Variants in DNAH6 observed in about 807,000 individuals in gnomAD.
DNAH6 encodes axonemal beta dynein heavy chain 6.
In DNAH6, 340 loss-of-function variants were observed where a neutral mutation model predicts 491.4. The observed-to-expected ratio is 0.69, with a 90% CI of 0.63 to 0.76. The LOEUF is 0.76. Among genes scored for constraint, DNAH6 ranks in the 30% least tolerant of loss-of-function variants. The pLI, the probability that DNAH6 is intolerant of heterozygous loss-of-function variation, is 0.00. For missense variants in DNAH6, 4,443 were observed against 4,972.2 expected (o/e 0.89, Z 3.20); for synonymous variants, 1,603 against 1,686.1 (o/e 0.95, Z 1.21).
In DNAH6 at chr2:84,707,627, G is replaced by A. The variant is rs1696604016; in HGVS notation, c.8959G>A (p.Glu2987Lys). 6.4e-7 allele frequency: 1 copy of A among 1,552,308 alleles called. No individual in the cohort carries two copies. The highest frequency in any genetic ancestry group is 8.7e-7 in the Non-Finnish European group (1 of 1,147,114). The change falls in exon 54 of 77, where the codon GAA becomes AAA. Residue 2987 changes from glutamate to lysine, a missense_variant. Physicochemically the swap from Glu to Lys is moderately conservative, Grantham distance 56 (BLOSUM62 1). Around this residue, in one of 3 missense-constraint regions of DNAH6, gnomAD observed 1,463 missense variants for 1,656.6 expected, o/e 0.88. Coordinates refer to ENST00000389394, the MANE Select transcript of DNAH6 (RefSeq NM_001370.2). ...RWEESIQKFE[E>K]EISNITGNVF... ...GGAAGAAAGCATACAGAAGTTTGAG[G>A]AAGAAATATCAAATATCACTGGGAA... is the stretch of plus-strand genomic sequence containing the variant.
chr2:84,550,869 T>C (rs1451775118), intron 9 of DNAH6, among the ~76,000 whole-genome samples: 10 of 152,186 alleles, frequency 6.6e-5, no homozygotes, highest in Non-Finnish European at 8.8e-5. Flanking sequence ...AAGCAAATTA[T>C]TGTGCTTTGA....
Position 84,818,484 on chromosome 2 carries a change from C to CAA in DNAH6, c.12374-793_12374-792dup, listed in dbSNP as rs59242387. On this transcript the variant is annotated intron_variant, in intron 76 of 76. Transcript: ENST00000389394. ...TGGGCAAAAGAATGAGACCCTATCTCAAAAAAAAAAAAAAAAAAAAAAAAA... is the reference window on the plus strand; with the variant it reads ...TGGGCAAAAGAATGAGACCCTATCTCAAAAAAAAAAAAAAAAAAAAAAAAAAA... Among the ~76,000 whole-genome samples, 137 of 63,826 alleles carry CAA rather than the reference C, an allele frequency of 2.1e-3. 2 individuals are homozygous for CAA. The highest frequency in any genetic ancestry group is 6.5e-3 in the South Asian group (7 of 1,074). 41.9% of individuals were successfully genotyped at this position (63,826 alleles called of 152,430 possible).
At chr2:84,478,376 G>C in the DNAH6 span, among the ~76,000 whole-genome samples, 3 of 152,162 alleles carry the variant, frequency 2.0e-5, no homozygotes, top group South Asian at 2.1e-4. Flanking sequence ...GGCACTGCTT[G>C]TTGGGAGGTT....
rs531322978 is a variant in DNAH6 at position 84,701,033 on chromosome 2, G to A, written c.7819-64G>A. The A allele has an allele frequency of 3.7e-5, 55 of 1,502,016 alleles. No individual in the cohort carries two copies. In the African/African-American group the frequency reaches 4.5e-4, roughly 12 times the overall value. 93.0% of individuals were successfully genotyped at this position (1,502,016 alleles called of 1,614,324 possible). A position where few individuals can be genotyped will look rare whatever the true frequency, so the allele number is the denominator to read the frequency against. On this transcript the variant is annotated intron_variant, in intron 48 of 76. Coordinates refer to ENST00000389394, the MANE Select transcript of DNAH6 (RefSeq NM_001370.2). ...AGTTCCCGAGAAATATGTTTTTCTT[G>A]GTATTAAACTGTATGTTATTGAAAT...
the DNAH6 span, among the ~76,000 whole-genome samples, chr2:84,502,418 G>T: frequency 6.6e-6 from 1 of 152,006 alleles, no homozygotes; most frequent in Admixed American, 6.6e-5. Flanking sequence ...ATGTTTTCAG[G>T]CTTGTCTTGT....
intron 14 of DNAH6, among the ~76,000 whole-genome samples, chr2:84,582,548 T>A (rs1428817534): frequency 6.6e-6 from 1 of 152,142 alleles, no homozygotes; most frequent in East Asian, 1.9e-4. Context: ...GCCTCCCGGG[T>A]TCACGCCATT....
At chr2:84,499,543 T>G in the DNAH6 span, among the ~76,000 whole-genome samples, 7 of 152,248 alleles carry the variant, frequency 4.6e-5, no homozygotes, top group Non-Finnish European at 7.3e-5. Flanking sequence ...ATTTCCTTTC[T>G]TTTGGATATA....
rs77044232 is a variant in DNAH6, at chr2:84,603,400, G to A, written c.2869-939G>A. Among the ~76,000 whole-genome samples, 659 of 152,146 alleles carry A rather than the reference G, an allele frequency of 4.3e-3. 5 individuals are homozygous for A. Among genetic ancestry groups the A allele is most frequent in the African/African-American group, 0.015 (637 of 41,526 alleles). On this transcript the variant is annotated intron_variant, in intron 18 of 76. Transcript: ENST00000389394. ...TTCGGGTGGGGCTGGTTTACCAAAG[G>A]TTATTTTCTCAATTTCTATTTTCCT...
intron 62 of DNAH6, among the ~76,000 whole-genome samples, chr2:84,744,371 G>T: frequency 6.6e-6 from 1 of 152,138 alleles, no homozygotes; most frequent in South Asian, 2.1e-4. Flanking sequence ...CGAATTCTTA[G>T]TACATGTTAT....
chr2:84,654,637 T>C (rs1690774188), intron 34 of DNAH6, 23 bp from the exon 35 acceptor site: 4 of 1,550,018 alleles, frequency 2.6e-6, no homozygotes, highest in Non-Finnish European at 3.5e-6. Flanking sequence ...AGCTGTTTCC[T>C]GTTCAATTTT....
rs543313035 is a variant in DNAH6, at chr2:84,768,726, G to A, written c.10703+5781G>A. Reference sequence around the variant, plus strand: ...GATATGCCATATTTATTAAGTGGAAGACTCAATATTGTAAAGATATCAGTT... The same window carrying A: ...GATATGCCATATTTATTAAGTGGAAAACTCAATATTGTAAAGATATCAGTT... On this transcript the variant is annotated intron_variant, in intron 64 of 76. Coordinates refer to ENST00000389394, the MANE Select transcript of DNAH6 (RefSeq NM_001370.2). 2.6e-3 allele frequency among the ~76,000 whole-genome samples: 398 copies of A among 152,222 alleles called. 1 individual carries two copies. The highest frequency in any genetic ancestry group is 4.0e-3 in the Non-Finnish European group (269 of 67,994).
intron 58 of DNAH6, 140 bp from the exon 59 acceptor site, chr2:84,718,064 C>T (rs1180572560): frequency 3.3e-6 from 2 of 600,814 alleles, no homozygotes; most frequent in African/African-American, 1.9e-5. Context: ...ACATGGTGTG[C>T]ATTCAGATAT....
At position 84,805,772 on chromosome 2, in the gene DNAH6, T is replaced by C. The variant is rs758929080; in HGVS notation, c.11589T>C (p.Ala3863=). 32 of 1,551,358 alleles carry C rather than the reference T, an allele frequency of 2.1e-5. No individual in the cohort carries two copies. The highest frequency in any genetic ancestry group is 2.6e-5 in the Non-Finnish European group (30 of 1,146,880). Residue 3863 remains alanine, a synonymous_variant, in exon 71 of 77, where the codon GCT becomes GCC. Transcript: ENST00000389394. ...ACGAAATTGTTCAAGAACTTGTTGC[T>C]TCTGTCCAGACCAGAGTTCCAGGTA... ...SNDEIVQELV[A]SVQTRVPEKL... is the part of the protein sequence containing the mutation.
Position 84,727,719 on chromosome 2 carries a change from G to A in DNAH6, c.10023G>A (p.Gln3341=). 1 of 1,551,560 alleles carries A rather than the reference G, an allele frequency of 6.4e-7. No homozygotes were observed. The highest frequency in any genetic ancestry group is 8.7e-7 in the Non-Finnish European group (1 of 1,146,890). The change falls in exon 61 of 77, where the codon CAG becomes CAA. Residue 3341 remains glutamine (Q), a synonymous_variant. Coordinates refer to ENST00000389394, the MANE Select transcript of DNAH6 (RefSeq NM_001370.2). ...CTGTAAAGACAGAAAATCTACAACAGCGCCTGGACGTACTACTAGAACAAA... is the reference window on the plus strand; with the variant it reads ...CTGTAAAGACAGAAAATCTACAACAACGCCTGGACGTACTACTAGAACAAA... ...ETSVKTENLQ[Q]RLDVLLEQTL... is the part of the protein sequence containing the mutation.
chr2:84,517,484 A>G (rs776159875), intron 1 of DNAH6, among the ~76,000 whole-genome samples: 4 of 152,212 alleles, frequency 2.6e-5, no homozygotes, highest in Non-Finnish European at 5.9e-5. Context: ...TGATCTCAAT[A>G]CTAATTACAT....
chr2:84,553,048 A>C lies in DNAH6; in HGVS notation c.1602+14A>C, dbSNP rs774052114. ...GAAGACTTTCTGGTGTGTGTTTTTC[A>C]TGTATTATCCACATGCAAGCACCTA... On this transcript the variant is annotated intron_variant, in intron 10 of 76. Transcript: ENST00000389394. 53 of 1,480,772 alleles carry C rather than the reference A, an allele frequency of 3.6e-5. No homozygotes were observed. The South Asian group carries it at 5.8e-4, about 16-fold the overall frequency. The allele number at this position is 1,480,772 out of a possible 1,614,324, so 91.7% of individuals were successfully genotyped here. A position where few individuals can be genotyped will look rare whatever the true frequency, so the allele number is the denominator to read the frequency against.
At chr2:84,704,586 G>A (rs1696252403) in intron 51 of DNAH6, among the ~76,000 whole-genome samples, 1 of 152,174 alleles carries the variant, frequency 6.6e-6, no homozygotes, top group African/African-American at 2.4e-5. Flanking sequence ...TGGGAGTGCT[G>A]AGAAAACAGT....
intron 4 of DNAH6, among the ~76,000 whole-genome samples, chr2:84,531,329 T>TACAACTGAGACA (rs1677151090): frequency 4.2e-5 from 1 of 23,784 alleles, no homozygotes; most frequent in African/African-American, 8.8e-5. Context: ...ATTTTCCTTT[T>TACAACTGAGACA]TTTTTTTATT....
At chr2:84,660,524 A>G (rs1192460629) in intron 37 of DNAH6, among the ~76,000 whole-genome samples, 1 of 152,164 alleles carries the variant, frequency 6.6e-6, no homozygotes, top group African/African-American at 2.4e-5. Flanking sequence ...CATTATTGTA[A>G]TAATTGATTT....
Sources: gnomAD v4.1 joint callset for allele counts (sites outside exome capture counted in the v4.1 genomes callset) on GRCh38, gnomAD v4.1.1 for gene constraint, gnomAD v4.1.1 regional missense constraint, MANE v1.5 for transcripts, NCBI Gene and HGNC (gene_info 2026-07-23, HGNC 2026-07-21) for gene names.